ADAMTSL1: variants seen among roughly 807,000 people sequenced by gnomAD.
The protein encoded by ADAMTSL1 is ADAMTS like 1.
A neutral mutation model predicts 201.8 loss-of-function variants in ADAMTSL1; 126 were observed. That is an observed-to-expected ratio of 0.62 (90% CI 0.54 to 0.72). The LOEUF is 0.72. Ranked by LOEUF, ADAMTSL1 falls within the 30% of genes least tolerant of loss-of-function variation. ADAMTSL1 has a pLI of 0.00. For missense variants in ADAMTSL1, 2,679 were observed against 2,277.8 expected (o/e 1.18, Z -3.59); for synonymous variants, 1,121 against 903.4 (o/e 1.24, Z -4.32).
At position 18,777,329 on chromosome 9, in the gene ADAMTSL1, T is replaced by A. The variant is rs760768402; in HGVS notation, c.3100T>A (p.Trp1034Arg). The change falls in exon 19 of 29, where the codon TGG becomes AGG. Residue 1034 changes from tryptophan (W) to arginine (R), a missense_variant. By Grantham distance (101) the Trp-to-Arg change is moderately radical (BLOSUM62 -3). Transcript: ENST00000380548. The part of the protein sequence containing the change: ...LVSRLLEQGG[W>R]PGELLASWEA... Reference sequence around the variant, plus strand: ...CTCCCGGCTGCTGGAGCAGGGCGGCTGGCCCGGAGAGCTGCTGGCCTCGTG... The same window carrying A: ...CTCCCGGCTGCTGGAGCAGGGCGGCAGGCCCGGAGAGCTGCTGGCCTCGTG... The A allele has an allele frequency of 1.2e-5, 20 of 1,601,420 alleles. No homozygotes were observed. In the South Asian group the frequency reaches 2.2e-4, roughly 18 times the overall value.
At chr9:17,950,146 A>G (rs111525002) in intron 1 of ADAMTSL1, among the ~76,000 whole-genome samples, 13 of 152,202 alleles carry the variant, frequency 8.5e-5, no homozygotes, top group African/African-American at 3.1e-4. Flanking sequence ...GACTCAGGTG[A>G]TCTGCCTGCC....
intron 1 of ADAMTSL1, among the ~76,000 whole-genome samples, chr9:17,917,916 C>T (rs183751632): frequency 1.1e-4 from 17 of 151,970 alleles, no homozygotes; most frequent in Admixed American, 1.3e-4. Context: ...TTCACAAGTT[C>T]GTCAGTTTCA....
chr9:18,177,494 T>A (rs890016945), intron 2 of ADAMTSL1, among the ~76,000 whole-genome samples: 1 of 152,196 alleles, frequency 6.6e-6, no homozygotes, highest in South Asian at 2.1e-4. Flanking sequence ...TTTTTCCTTA[T>A]GTAAAAGAAA....
At position 18,508,045 on chromosome 9, in the gene ADAMTSL1, C is replaced by T. The variant is rs376044644; in HGVS notation, c.191+3089C>T. Among the ~76,000 whole-genome samples, 13 of 152,046 alleles carry T rather than the reference C, an allele frequency of 8.6e-5. No homozygotes were observed. In the East Asian group the frequency reaches 9.7e-4, roughly 11 times the overall value. On this transcript the variant is annotated intron_variant, in intron 2 of 28. Coordinates refer to ENST00000380548, the MANE Select transcript of ADAMTSL1 (RefSeq NM_001040272.6). ...ACTAAAAATGCAAAAATTAGCTGGGCGTGGTAGCGGGTGCTTATAATTGCA... is the reference window on the plus strand; with the variant it reads ...ACTAAAAATGCAAAAATTAGCTGGGTGTGGTAGCGGGTGCTTATAATTGCA...
chr9:18,783,074 G>A (rs1309723706), intron 19 of ADAMTSL1, among the ~76,000 whole-genome samples: 1 of 152,208 alleles, frequency 6.6e-6, no homozygotes, highest in Non-Finnish European at 1.5e-5. Flanking sequence ...CATGTGGATT[G>A]TAGAGGCACA....
chr9:18,828,660 T>TTTTTA (rs10685537), intron 22 of ADAMTSL1, among the ~76,000 whole-genome samples: 34 of 28,536 alleles, frequency 1.2e-3, no homozygotes, highest in African/African-American at 2.8e-3. Flanking sequence ...GAAAGTATAT[T>TTTTTA]TATATATATA....
intron 1 of ADAMTSL1, among the ~76,000 whole-genome samples, chr9:17,959,897 AT>A (rs757075760): frequency 2.6e-5 from 4 of 152,130 alleles, no homozygotes; most frequent in African/African-American, 4.8e-5. Context: ...CCTTCCAACA[AT>A]GATTTGGGGA....
chr9:18,893,509 C>T (rs745519099), intron 26 of ADAMTSL1, among the ~76,000 whole-genome samples: 2 of 152,146 alleles, frequency 1.3e-5, no homozygotes, highest in African/African-American at 2.4e-5. Context: ...ATGTGAATCA[C>T]CTGGGAATCT....
At chr9:18,011,401 G>C (rs1216137900) in intron 1 of ADAMTSL1, among the ~76,000 whole-genome samples, 1 of 151,986 alleles carries the variant, frequency 6.6e-6, no homozygotes, top group Non-Finnish European at 1.5e-5. Flanking sequence ...CCAGTGGTCA[G>C]CAATGGTCTG....
At chr9:17,934,492 A>G (rs2131327770) in intron 1 of ADAMTSL1, among the ~76,000 whole-genome samples, 1 of 152,174 alleles carries the variant, frequency 6.6e-6, no homozygotes, top group South Asian at 2.1e-4. Context: ...GTTTAATTCT[A>G]CCTGTGCAGA....
chr9:18,776,285 C>T (rs979003585), intron 18 of ADAMTSL1, among the ~76,000 whole-genome samples: 1 of 152,194 alleles, frequency 6.6e-6, no homozygotes, highest in African/African-American at 2.4e-5. Flanking sequence ...CTAGGCTGTC[C>T]TTACCATGTC....
chr9:18,502,722 G>A (rs1313897632), intron 1 of ADAMTSL1, among the ~76,000 whole-genome samples: 1 of 152,094 alleles, frequency 6.6e-6, no homozygotes, highest in African/African-American at 2.4e-5. Context: ...AAAACTGCTA[G>A]CAGATTACAT....
intron 15 of ADAMTSL1, among the ~76,000 whole-genome samples, chr9:18,740,393 G>A (rs962423626): frequency 1.4e-5 from 2 of 145,924 alleles, no homozygotes; most frequent in African/African-American, 5.0e-5. Flanking sequence ...ATCAAGGAGA[G>A]AAGAGAGGAG....
intron 9 of ADAMTSL1, among the ~76,000 whole-genome samples, chr9:18,666,045 C>G (rs1358053530): frequency 6.6e-6 from 1 of 152,104 alleles, no homozygotes; most frequent in East Asian, 1.9e-4. Flanking sequence ...ATTTGGCATT[C>G]TTGGTTCTCA....
intron 2 of ADAMTSL1, among the ~76,000 whole-genome samples, chr9:18,201,495 T>G (rs781123019): frequency 2.0e-5 from 3 of 152,156 alleles, no homozygotes; most frequent in Non-Finnish European, 4.4e-5. Context: ...GGAAAGTTCC[T>G]AAGAACATTT....
At chr9:18,849,874 T>G (rs193187847) in intron 23 of ADAMTSL1, among the ~76,000 whole-genome samples, 33 of 152,296 alleles carry the variant, frequency 2.2e-4, no homozygotes, top group African/African-American at 7.5e-4. Context: ...AAATCCAAAG[T>G]GGAGTATAGA....
intron 19 of ADAMTSL1, among the ~76,000 whole-genome samples, chr9:18,782,322 T>C (rs970157016): frequency 3.9e-5 from 6 of 152,216 alleles, no homozygotes; most frequent in African/African-American, 1.2e-4. Context: ...GCTGGAAATA[T>C]TGTGATAAAT....
chr9:18,049,503 T>A (rs977205931), intron 1 of ADAMTSL1, among the ~76,000 whole-genome samples: 9 of 152,224 alleles, frequency 5.9e-5, no homozygotes, highest in African/African-American at 2.2e-4. Context: ...CACTGCCATC[T>A]TATAACCATG....
At chr9:17,983,364 C>T (rs561902560) in intron 1 of ADAMTSL1, among the ~76,000 whole-genome samples, 6 of 152,032 alleles carry the variant, frequency 3.9e-5, no homozygotes, top group South Asian at 4.1e-4. Flanking sequence ...CCACCTCGCC[C>T]GGCCCCTTTT....
Sources: gnomAD v4.1 joint callset for allele counts (sites outside exome capture counted in the v4.1 genomes callset) on GRCh38, gnomAD v4.1.1 for gene constraint, MANE v1.5 for transcripts, NCBI Gene and HGNC (gene_info 2026-07-23, HGNC 2026-07-21) for gene names.